The following HEPHL1 variants were observed in gnomAD, a reference collection of about 807,000 sequenced individuals.
HEPHL1 encodes the protein ferroxidase HEPHL1.
A neutral mutation model predicts 122.0 loss-of-function variants in HEPHL1; 123 were observed. The observed-to-expected ratio is 1.01, with a 90% confidence interval of 0.87 to 1.17. The LOEUF (loss-of-function observed/expected upper bound fraction) is 1.17. Among genes scored for constraint, HEPHL1 ranks in the 50% most tolerant of loss-of-function variants. The pLI is 0.00. For missense variants in HEPHL1, 1,452 were observed against 1,430.5 expected, an observed-to-expected ratio of 1.01 and a Z score of -0.24; for synonymous variants, 527 against 508.9, an observed-to-expected ratio of 1.04 and a Z score of -0.48.
At chr11:94,077,841 A>G (rs1946138891) in intron 9 of HEPHL1, among the ~76,000 whole-genome samples, 1 of 152,132 alleles carries the variant, frequency 6.6e-6, no homozygotes, top group African/African-American at 2.4e-5. Context: ...GGGCCTCTGT[A>G]CCAGGCTCCT....
intron 1 of HEPHL1, among the ~76,000 whole-genome samples, chr11:94,032,053 C>G (rs1042223441): frequency 6.6e-6 from 1 of 152,208 alleles, no homozygotes; most frequent in East Asian, 1.9e-4. Context: ...TCACTCACCT[C>G]CCAAACCCCA....
In HEPHL1 at chr11:94,070,386, G is replaced by A. The variant is rs1455317632; in HGVS notation, c.1076G>A (p.Gly359Glu). The A allele has an allele frequency of 6.3e-7, 1 of 1,594,348 alleles. No homozygotes were observed. Among genetic ancestry groups the A allele is most frequent in the African/African-American group, 1.3e-5 (1 of 74,576 alleles). Reference sequence around the variant, plus strand: ...CTCTGTTCTGCAGCTGGTATGCTGGGGCAATACAATGTTGATAACTGCAAA... The same window carrying A: ...CTCTGTTCTGCAGCTGGTATGCTGGAGCAATACAATGTTGATAACTGCAAA... ...VSDHLQAGML[G>E]QYNVDNCKSD... Residue 359 changes from glycine to glutamate, a missense_variant, in exon 6 of 20, where the codon GGG (glycine) becomes GAG (glutamate). Physicochemically the swap from Gly to Glu is moderately conservative, Grantham distance 98. Coordinates refer to ENST00000315765, the MANE Select transcript of HEPHL1 (RefSeq NM_001098672.2).
At chr11:94,030,793 C>A (rs947583041) in intron 1 of HEPHL1, among the ~76,000 whole-genome samples, 1 of 152,164 alleles carries the variant, frequency 6.6e-6, no homozygotes, top group East Asian at 1.9e-4. Flanking sequence ...TAAGTCTTTG[C>A]CTTATAGAGT....
At chr11:94,109,827 C>A (rs1229473296) in intron 17 of HEPHL1, among the ~76,000 whole-genome samples, 1 of 152,092 alleles carries the variant, frequency 6.6e-6, no homozygotes, top group African/African-American at 2.4e-5. Flanking sequence ...GTTTTGGTAT[C>A]ACAGTAATGC....
At chr11:94,075,613 G>T (rs1167352236) in intron 9 of HEPHL1, among the ~76,000 whole-genome samples, 1 of 152,102 alleles carries the variant, frequency 6.6e-6, no homozygotes, top group Non-Finnish European at 1.5e-5. Context: ...TGCTTGTTGT[G>T]GTTAGGATTT....
chr11:94,074,208 C>T (rs1040314082), intron 8 of HEPHL1, among the ~76,000 whole-genome samples: 6 of 152,048 alleles, frequency 3.9e-5, no homozygotes, highest in African/African-American at 9.7e-5. Flanking sequence ...ATTCCCTCTC[C>T]CTGGACCCAT....
At chr11:94,107,034 C>G (rs1004001886) in intron 17 of HEPHL1, among the ~76,000 whole-genome samples, 3 of 152,160 alleles carry the variant, frequency 2.0e-5, no homozygotes, top group Admixed American at 6.5e-5. Context: ...AGGCCCGACC[C>G]AGACCTGCTG....
rs146061757 is a variant in HEPHL1, at chr11:94,026,714, G to A, written c.170+5176G>A. On this transcript the variant is annotated intron_variant, in intron 1 of 19. Transcript: ENST00000315765. ...TCTGGGAGGGAGATCAGGTGGCATC[G>A]GGAGGATTTCTCCAGCCAAGTGTAG... Among the ~76,000 whole-genome samples, 422 of 152,344 alleles carry A rather than the reference G, an allele frequency of 2.8e-3. 2 individuals are homozygous for A. Among genetic ancestry groups the A allele is most frequent in the African/African-American group, 9.3e-3 (385 of 41,582 alleles).
chr11:94,099,292 T>C (rs1237087029), intron 13 of HEPHL1, among the ~76,000 whole-genome samples: 1 of 152,238 alleles, frequency 6.6e-6, no homozygotes, highest in African/African-American at 2.4e-5. Context: ...GGACCCTGTT[T>C]GCCTGGATAT....
chr11:94,063,273 T>C (rs1192209145), intron 2 of HEPHL1, among the ~76,000 whole-genome samples: 1 of 152,218 alleles, frequency 6.6e-6, no homozygotes, highest in East Asian at 1.9e-4. Context: ...CAAAACACTC[T>C]GTATACATTG....
At position 94,111,675 on chromosome 11, in the gene HEPHL1, G is replaced by A. The variant is rs748821142; in HGVS notation, c.3278-17G>A. 23 of 1,612,848 alleles carry A rather than the reference G, an allele frequency of 1.4e-5. No individual in the cohort carries two copies. In the East Asian group the frequency reaches 5.1e-4, roughly 36 times the overall value. On this transcript the variant is annotated splice_polypyrimidine_tract_variant and intron_variant, in intron 19 of 19. Transcript: ENST00000315765. ...CTCAAAAATGTCAGGGGCCTGACAA[G>A]TTTATCTTTTTCACAGAACGACCTG...
intron 1 of HEPHL1, among the ~76,000 whole-genome samples, chr11:94,036,454 G>A (rs903145092): frequency 6.6e-6 from 1 of 152,100 alleles, no homozygotes; most frequent in Admixed American, 6.6e-5. Flanking sequence ...AGTTGGTGCA[G>A]GACACTCTAG....
chr11:94,078,055 A>G (rs938176630), intron 9 of HEPHL1, among the ~76,000 whole-genome samples: 4 of 152,188 alleles, frequency 2.6e-5, no homozygotes, highest in South Asian at 2.1e-4. Context: ...GATAAGTGCA[A>G]TGGAGCAAGG....
intron 1 of HEPHL1, among the ~76,000 whole-genome samples, chr11:94,022,364 T>C (rs1945589133): frequency 6.6e-6 from 1 of 152,214 alleles, no homozygotes; most frequent in South Asian, 2.1e-4. Flanking sequence ...GCAACCTCTG[T>C]TGGATATTTG....
At chr11:94,066,518 C>T (rs1386073638) in intron 4 of HEPHL1, among the ~76,000 whole-genome samples, 1 of 151,848 alleles carries the variant, frequency 6.6e-6, no homozygotes, top group Non-Finnish European at 1.5e-5. Flanking sequence ...TGTGCCACTG[C>T]ACTTCAGCCT....
At chr11:94,033,950 G>A (rs4753115) in intron 1 of HEPHL1, among the ~76,000 whole-genome samples, 52,894 of 151,996 alleles carry the variant, frequency 0.35, 9,858 homozygotes, top group South Asian at 0.44. Flanking sequence ...AAGAGTGTGA[G>A]TCTACCTCAA....
intron 13 of HEPHL1, among the ~76,000 whole-genome samples, chr11:94,098,198 T>C (rs983317156): frequency 6.6e-6 from 1 of 152,228 alleles, no homozygotes; most frequent in Non-Finnish European, 1.5e-5. Flanking sequence ...GGAGCTCTTG[T>C]AATGCAGGCC....
intron 2 of HEPHL1, among the ~76,000 whole-genome samples, chr11:94,061,803 CA>C (rs1316618290): frequency 6.6e-6 from 1 of 152,026 alleles, no homozygotes; most frequent in Non-Finnish European, 1.5e-5. Flanking sequence ...ACATTGAAGA[CA>C]TAATTCATTA....
chr11:94,110,584 T>G (rs1374888140), intron 17 of HEPHL1, among the ~76,000 whole-genome samples: 1 of 152,222 alleles, frequency 6.6e-6, no homozygotes, highest in East Asian at 1.9e-4. Flanking sequence ...TTCTTCCACA[T>G]GCTATTGATT....
Sources: allele counts gnomAD v4.1 joint callset (sites outside exome capture counted in the v4.1 genomes callset), GRCh38; gene constraint gnomAD v4.1.1; transcripts MANE v1.5; gene names NCBI Gene and HGNC (gene_info 2026-07-23, HGNC 2026-07-21).